The following FCSK variants were observed in gnomAD, a reference collection of about 807,000 sequenced individuals.
FCSK encodes the protein fucose kinase, also known as L-fucose kinase.
Under a neutral mutation model 122.5 loss-of-function variants are expected in FCSK, and 123 were observed. That is an observed-to-expected ratio of 1.00 (90% CI 0.87 to 1.17). The LOEUF (loss-of-function observed/expected upper bound fraction) is 1.17, where lower values mean the gene tolerates loss of function less well. Among genes scored for constraint, FCSK ranks in the 50% most tolerant of loss-of-function variants. The pLI, the probability that FCSK is intolerant of heterozygous loss-of-function variation, is 0.00. For missense variants in FCSK, 1,366 were observed against 1,450.4 expected (o/e 0.94, Z 0.95); for synonymous variants, 620 against 625.5 (o/e 0.99, Z 0.13).
rs1180692935 is a variant in FCSK, at chr16:70,473,207, C to CCTCT, written c.1633_1636dup (p.Arg546LeufsTer13). 1 of 1,536,948 alleles carries CCTCT rather than the reference C, an allele frequency of 6.5e-7. No homozygotes were observed. The highest frequency in any genetic ancestry group is 1.4e-5 in the African/African-American group (1 of 72,974). On this transcript the variant is annotated frameshift_variant, in exon 15 of 24. Transcript: ENST00000288078. LOFTEE classifies it high-confidence loss of function. This position sits in a 1 kb window ranked among gnomAD's most constrained non-coding sequence, Gnocchi z 4.9. ...TGCCTGGATCGGGCTGCCACGCTGG[C>CCTCT]CTCTCGCCGGGACCTGTTCTTCCGC...
chr16:70,462,237 T>A (rs1177902920), intron 1 of FCSK: 2 of 152,382 alleles, frequency 1.3e-5, no homozygotes, highest in African/African-American at 4.8e-5. Context: ...AGCCTTAACC[T>A]CCTGGGCTCA....
rs2048668218 is a variant in FCSK, at chr16:70,472,726, G to A, written c.1406+121G>A. The A allele has an allele frequency of 6.8e-6, 6 of 880,242 alleles. No individual in the cohort carries two copies. In the East Asian group the frequency reaches 1.6e-4, roughly 24 times the overall value. 54.5% of individuals were successfully genotyped at this position (880,242 alleles called of 1,614,324 possible). A position where few individuals can be genotyped will look rare whatever the true frequency, so the allele number is the denominator to read the frequency against. ...GGCCGTGTTACCATCCAGGGGCCTG[G>A]GTGGTTTTGGGCAGCCGGATTCTCT... On this transcript the variant is annotated intron_variant, in intron 14 of 23. Transcript: ENST00000288078.
In FCSK at chr16:70,479,607, T is replaced by A. The variant is rs771003295; in HGVS notation, c.3182T>A (p.Val1061Asp). The change falls in exon 24 of 24, where the codon GTT becomes GAT. Residue 1061 changes from valine (V) to aspartate (D), a missense_variant. Val to Asp is a radical substitution (Grantham distance 152). Transcript: ENST00000288078. ...CTTGGGAATTACAGCATCCACCTGG[T>A]TGAAGTGGACACTCAGGGCCTGAGC... Reference protein sequence around the residue: ...EGLGNYSIHLVEVDTQGLSLK... With the variant: ...EGLGNYSIHLDEVDTQGLSLK... 1.9e-6 allele frequency: 3 copies of A among 1,614,068 alleles called. No individual in the cohort carries two copies. In the South Asian group the frequency reaches 3.3e-5, roughly 18 times the overall value.
intron 1 of FCSK, among the ~76,000 whole-genome samples, chr16:70,455,213 C>T (rs938004725): frequency 6.6e-6 from 1 of 152,154 alleles, no homozygotes; most frequent in East Asian, 1.9e-4. Flanking sequence ...ATGAAGAGTT[C>T]TTAGTACTTT....
chr16:70,468,428 G>T (rs980446013), intron 8 of FCSK, among the ~76,000 whole-genome samples: 2 of 152,090 alleles, frequency 1.3e-5, no homozygotes, highest in Non-Finnish European at 2.9e-5. Flanking sequence ...TCAATCCCCT[G>T]CCCGCTGTAA....
chr16:70,456,966 G>A (rs1005456591), intron 1 of FCSK, among the ~76,000 whole-genome samples: 1 of 151,928 alleles, frequency 6.6e-6, no homozygotes, highest in African/African-American at 2.4e-5. Context: ...GTTGCAGTGA[G>A]CCAAGATTGC....
At chr16:70,455,629 C>A (rs1437827278) in intron 1 of FCSK, among the ~76,000 whole-genome samples, 1 of 151,308 alleles carries the variant, frequency 6.6e-6, no homozygotes, top group Non-Finnish European at 1.5e-5. Flanking sequence ...AGGTGGCTCA[C>A]GCCTGTAATC....
chr16:70,477,506 A>AC (rs1202346570), intron 20 of FCSK: 2 of 151,966 alleles, frequency 1.3e-5, no homozygotes, highest in Non-Finnish European at 2.9e-5. Flanking sequence ...TTATGCAGCT[A>AC]CAAGGAGGAA....
At chr16:70,471,812 G>GC (rs1418739427) in intron 13 of FCSK, among the ~76,000 whole-genome samples, 1 of 128,682 alleles carries the variant, frequency 7.8e-6, no homozygotes, top group Non-Finnish European at 1.6e-5. Flanking sequence ...TGGGGTTGTT[G>GC]TTTTTTTTTT....
chr16:70,478,740 C>A, intron 22 of FCSK, 90 bp downstream of exon 22: 1 of 1,045,872 alleles, frequency 9.6e-7, no homozygotes, highest in Non-Finnish European at 1.5e-6. Context: ...GCAGGCTTGG[C>A]ACAAGCTCCA....
At chr16:70,466,805 A>G (rs955841628) in intron 5 of FCSK, 77 bp from the exon 6 acceptor site, 4 of 1,331,104 alleles carry the variant, frequency 3.0e-6, no homozygotes, top group South Asian at 2.6e-5. Context: ...TCAACAGCAC[A>G]GTATCCTTGG....
chr16:70,464,513 C>T (rs1351341299), intron 3 of FCSK, among the ~76,000 whole-genome samples: 1 of 151,894 alleles, frequency 6.6e-6, no homozygotes, highest in Non-Finnish European at 1.5e-5. Context: ...TTAGCTGGGC[C>T]TGGTTGCACA....
In FCSK at chr16:70,479,187, G is replaced by A. The variant is rs200422096; in HGVS notation, c.2937G>A (p.Leu979=). Residue 979 remains leucine, a synonymous_variant, in exon 23 of 24, where the codon CTG becomes CTA. Transcript: ENST00000288078. ...CCCTCTGCCCCACCTCAGGAAGCCT[G>A]CCTCTGCTGGGCCAGTGCCTGACCT... The part of the protein sequence containing the change: ...ECAEGFRQGS[L]PLLGQCLTSY... 19 of 1,612,856 alleles carry A rather than the reference G, an allele frequency of 1.2e-5. No homozygotes were observed. The highest frequency in any genetic ancestry group is 2.7e-5 in the African/African-American group (2 of 74,924).
chr16:70,470,476 G>A (rs780674126), intron 11 of FCSK, 50 bp downstream of exon 11: 1 of 1,161,650 alleles, frequency 8.6e-7, no homozygotes, highest in Admixed American at 1.9e-5. Flanking sequence ...GGGGTCAGGT[G>A]GGATGTGGAT....
Position 70,478,583 on chromosome 16 carries a change from T to C in FCSK, c.2862T>C (p.Pro954=). 6.2e-7 allele frequency: 1 copy of C among 1,613,772 alleles called. No individual in the cohort carries two copies. The stretch of plus-strand genomic sequence containing the variant: ...TGAGGAGCTGGTATGCCCGACTTCC[T>C]GCTGTGGTGCAGAATGCCCACAGCC... ...DVLRSWYARL[P]AVVQNAHSLV... Residue 954 remains proline, a synonymous_variant, in exon 22 of 24, where the codon CCT becomes CCC. Transcript: ENST00000288078.
Position 70,466,188 on chromosome 16 carries a change from G to A in FCSK, c.342G>A (p.Glu114=). 2 of 1,613,900 alleles carry A rather than the reference G, an allele frequency of 1.2e-6. No individual in the cohort carries two copies. Among genetic ancestry groups the A allele is most frequent in the Non-Finnish European group, 1.7e-6 (2 of 1,179,912 alleles). The part of the protein sequence containing the change: ...CGRAFTCLPV[E]NPEAPVEALV... ...GGGCTTTCACCTGCCTCCCCGTGGA[G>A]AACCCCGAGGCCCCCGTGGAAGCCT... Residue 114 remains glutamate, a synonymous_variant, in exon 5 of 24, where the codon GAG becomes GAA. Transcript: ENST00000288078.
chr16:70,464,993 T>G (rs1189896266), intron 3 of FCSK, 133 bp from the exon 4 acceptor site: 2 of 1,546,670 alleles, frequency 1.3e-6, no homozygotes, highest in Non-Finnish European at 1.8e-6. Context: ...CTGTGGCCAT[T>G]GGTTTGACCT....
chr16:70,475,228 ACTG>A, intron 18 of FCSK, 119 bp from the exon 19 acceptor site: 2 of 1,208,604 alleles, frequency 1.7e-6, no homozygotes, highest in Admixed American at 2.2e-5. Context: ...TGGGGCCAGT[ACTG>A]CTGCTGGGCT....
intron 8 of FCSK, 75 bp from the exon 9 acceptor site, chr16:70,468,774 C>T: frequency 1.3e-6 from 2 of 1,576,118 alleles, no homozygotes; most frequent in South Asian, 2.2e-5. Context: ...GGCCCATCTG[C>T]ATGTGCCCTC....
Sources: allele counts gnomAD v4.1 joint callset (sites outside exome capture counted in the v4.1 genomes callset), GRCh38; gene constraint gnomAD v4.1.1; non-coding constraint Gnocchi (gnomAD v3.1); transcripts MANE v1.5; gene names NCBI Gene and HGNC (gene_info 2026-07-23, HGNC 2026-07-21).